Variants in ASTN2 observed in about 807,000 individuals in gnomAD.
The protein encoded by ASTN2 is astrotactin 2.
ASTN2 carries 54 observed loss-of-function variants against 139.8 expected under a neutral mutation model. That is an observed-to-expected ratio of 0.39 (90% CI 0.31 to 0.48). The LOEUF is 0.48. Ranked by LOEUF, ASTN2 falls within the 20% of genes least tolerant of loss-of-function variation. The pLI, the probability that ASTN2 is intolerant of heterozygous loss-of-function variation, is 0.95. For synonymous variants in ASTN2, 756 were observed against 719.5 expected (o/e 1.05, Z -0.81); for missense variants, 1,565 against 1,725.1 (o/e 0.91, Z 1.64).
intron 7 of ASTN2, among the ~76,000 whole-genome samples, chr9:116,982,220 A>G (rs1036662786): frequency 1.3e-5 from 2 of 152,184 alleles, no homozygotes; most frequent in African/African-American, 4.8e-5. Flanking sequence ...TCTGCCTGCC[A>G]CTTCAAATTT....
intron 1 of ASTN2, among the ~76,000 whole-genome samples, chr9:117,295,725 G>A (rs1834714135): frequency 6.6e-6 from 1 of 151,310 alleles, no homozygotes; most frequent in Non-Finnish European, 1.5e-5. Context: ...AGAATTCAAA[G>A]AGTGTTACAT....
intron 7 of ASTN2, among the ~76,000 whole-genome samples, chr9:116,999,427 G>T (rs1837120302): frequency 6.6e-6 from 1 of 151,844 alleles, no homozygotes; most frequent in South Asian, 2.1e-4. Flanking sequence ...GGAATCTGAA[G>T]TTCACGGTAT....
intron 6 of ASTN2, among the ~76,000 whole-genome samples, chr9:117,019,746 C>T (rs980108364): frequency 9.9e-5 from 15 of 152,034 alleles, no homozygotes; most frequent in African/African-American, 3.6e-4. Context: ...GGAGCCAGTC[C>T]CTGGAGCCAG....
At chr9:117,295,914 G>A (rs1250865259) in intron 1 of ASTN2, among the ~76,000 whole-genome samples, 1 of 152,086 alleles carries the variant, frequency 6.6e-6, no homozygotes, top group Non-Finnish European at 1.5e-5. Context: ...AGAAGGCATA[G>A]AGATCAGCTG....
At chr9:117,073,236 C>A (rs1373973872) in intron 5 of ASTN2, among the ~76,000 whole-genome samples, 1 of 152,150 alleles carries the variant, frequency 6.6e-6, no homozygotes. Context: ...CCCCAGGCTT[C>A]CTATGACCAG....
chr9:116,533,697 C>A (rs2119305562), intron 19 of ASTN2, among the ~76,000 whole-genome samples: 1 of 152,282 alleles, frequency 6.6e-6, no homozygotes, highest in African/African-American at 2.4e-5. Flanking sequence ...AGCCTTGCAT[C>A]CCAGGGATGA....
chr9:116,479,612 G>C (rs1849101816), intron 20 of ASTN2, among the ~76,000 whole-genome samples: 1 of 152,196 alleles, frequency 6.6e-6, no homozygotes, highest in African/African-American at 2.4e-5. Flanking sequence ...AATGACAATG[G>C]GAGTCCATCC....
intron 2 of ASTN2, among the ~76,000 whole-genome samples, chr9:117,261,967 G>A (rs1399999104): frequency 6.6e-6 from 1 of 152,100 alleles, no homozygotes; most frequent in Non-Finnish European, 1.5e-5. Context: ...TATACTTATT[G>A]GGCAAGGAAG....
intron 5 of ASTN2, among the ~76,000 whole-genome samples, chr9:117,045,257 C>CA (rs56993648): frequency 0.014 from 1,785 of 131,592 alleles, 50 homozygotes; most frequent in African/African-American, 0.048. Context: ...ATGTAATTAG[C>CA]AAAAAAAAAA....
At chr9:116,792,959 G>C (rs1830596257) in intron 13 of ASTN2, among the ~76,000 whole-genome samples, 1 of 152,074 alleles carries the variant, frequency 6.6e-6, no homozygotes, top group African/African-American at 2.4e-5. Flanking sequence ...AGGGGGGAAG[G>C]AGAAAGGGGA....
chr9:116,622,483 T>A (rs1856211044), intron 17 of ASTN2, among the ~76,000 whole-genome samples: 1 of 152,186 alleles, frequency 6.6e-6, no homozygotes, highest in Non-Finnish European at 1.5e-5. Context: ...AATGTAATCA[T>A]CACAATAGTC....
chr9:116,913,461 C>T (rs752111491), intron 10 of ASTN2, among the ~76,000 whole-genome samples: 11 of 152,264 alleles, frequency 7.2e-5, no homozygotes, highest in Non-Finnish European at 1.6e-4. Flanking sequence ...AGGCTCTTTC[C>T]TGATTCCCAT....
intron 10 of ASTN2, among the ~76,000 whole-genome samples, chr9:116,969,563 G>A (rs1010236567): frequency 1.3e-5 from 2 of 152,084 alleles, no homozygotes; most frequent in Non-Finnish European, 2.9e-5. Context: ...GAAAAACAGA[G>A]TGCACCAGAG....
intron 16 of ASTN2, among the ~76,000 whole-genome samples, chr9:116,664,432 T>G (rs545297416): frequency 6.8e-6 from 1 of 148,004 alleles, no homozygotes; most frequent in Admixed American, 6.8e-5. Context: ...ATAATATATA[T>G]ATATGTATAT....
chr9:117,121,561 G>A (rs1829558616), intron 4 of ASTN2, among the ~76,000 whole-genome samples: 1 of 152,218 alleles, frequency 6.6e-6, no homozygotes, highest in Admixed American at 6.5e-5. Context: ...CCAACTCTGA[G>A]TTGGATCACA....
chr9:117,252,265 A>G (rs1203698040), intron 2 of ASTN2, among the ~76,000 whole-genome samples: 1 of 152,198 alleles, frequency 6.6e-6, no homozygotes, highest in African/African-American at 2.4e-5. Flanking sequence ...CTTTGTGCAT[A>G]TGCATGCTTA....
intron 1 of ASTN2, among the ~76,000 whole-genome samples, chr9:117,315,777 G>T (rs1212212503): frequency 6.6e-6 from 1 of 152,150 alleles, no homozygotes; most frequent in Non-Finnish European, 1.5e-5. Flanking sequence ...TTGCCTGAAG[G>T]TCTTTTTAAT....
intron 2 of ASTN2, among the ~76,000 whole-genome samples, chr9:117,266,718 C>T (rs1174451073): frequency 6.6e-6 from 1 of 152,158 alleles, no homozygotes; most frequent in Non-Finnish European, 1.5e-5. Context: ...CTTTAAAAAT[C>T]ACTTTTCTCC....
intron 4 of ASTN2, among the ~76,000 whole-genome samples, chr9:117,135,077 T>G (rs1329922858): frequency 6.6e-6 from 1 of 152,196 alleles, no homozygotes; most frequent in African/African-American, 2.4e-5. Context: ...ACAGAAACAC[T>G]GCCAATGCAA....
Sources: allele counts gnomAD v4.1 joint callset (sites outside exome capture counted in the v4.1 genomes callset), GRCh38; gene constraint gnomAD v4.1.1; transcripts MANE v1.5; gene names NCBI Gene and HGNC (gene_info 2026-07-23, HGNC 2026-07-21).